Variants in SP2 observed in about 807,000 individuals in gnomAD.
SP2 encodes Sp2 transcription factor, also known as transcription factor Sp2.
A neutral mutation model predicts 50.1 loss-of-function variants in SP2; 9 were observed. That is an observed-to-expected ratio of 0.18 (90% CI 0.11 to 0.31). The LOEUF (loss-of-function observed/expected upper bound fraction) is 0.31. SP2 is among the 10% of genes least tolerant of loss of function. The pLI is 1.00. For missense variants in SP2, 581 were observed against 806.5 expected (o/e 0.72, Z 3.39); for synonymous variants, 313 against 326.6 (o/e 0.96, Z 0.45).
At chr17:47,920,432 G>A (rs1386702670) in intron 3 of SP2, among the ~76,000 whole-genome samples, 2 of 151,880 alleles carry the variant, frequency 1.3e-5, no homozygotes, top group Admixed American at 6.6e-5. Flanking sequence ...GACTACAGGC[G>A]AGCGCCACCA....
chr17:47,912,724 C>A (rs1289814089), intron 1 of SP2, among the ~76,000 whole-genome samples: 1 of 152,076 alleles, frequency 6.6e-6, no homozygotes, highest in Non-Finnish European at 1.5e-5. Context: ...GAATTATAGG[C>A]ACGAGTCACT....
chr17:47,919,427 T>A lies in SP2; in HGVS notation c.1059+2297T>A, dbSNP rs367592238. Among the ~76,000 whole-genome samples, 11 of 152,198 alleles carry A rather than the reference T, an allele frequency of 7.2e-5. No individual in the cohort carries two copies. The South Asian group carries it at 2.3e-3, about 32-fold the overall frequency. On this transcript the variant is annotated intron_variant, in intron 3 of 6. Transcript: ENST00000376741. ...TCTCTATTTAAAAAAAAAAAATTTT[T>A]TTTAAAGAGATGAGATGTTTGTTAG...
At chr17:47,911,671 T>C (rs2034991725) in intron 1 of SP2, among the ~76,000 whole-genome samples, 1 of 151,848 alleles carries the variant, frequency 6.6e-6, no homozygotes, top group South Asian at 2.1e-4. Context: ...CCGGGCGTGG[T>C]GGCGGGCATC....
chr17:47,906,890 C>T (rs779800958), intron 1 of SP2, among the ~76,000 whole-genome samples: 1 of 152,054 alleles, frequency 6.6e-6, no homozygotes, highest in African/African-American at 2.4e-5. Context: ...TATGTAAAGC[C>T]GTGCGAGTAG....
At chr17:47,914,082 C>A (rs865856788) in intron 1 of SP2, among the ~76,000 whole-genome samples, 5 of 152,202 alleles carry the variant, frequency 3.3e-5, no homozygotes, top group Non-Finnish European at 5.9e-5. Flanking sequence ...AAAGAATTGA[C>A]CCATGAGGCC....
At chr17:47,931,090 C>T (rs2035809212), downstream of SP2, among the ~76,000 whole-genome samples, 1 of 152,118 alleles carries the variant, frequency 6.6e-6, no homozygotes, top group Non-Finnish European at 1.5e-5. Flanking sequence ...GCCTGTAATC[C>T]CAGCACTTTG....
chr17:47,924,920 G>A lies in SP2; in HGVS notation c.1374G>A (p.Gly458=). 1 of 1,595,468 alleles carries A rather than the reference G, an allele frequency of 6.3e-7. No individual in the cohort carries two copies. The highest frequency in any genetic ancestry group is 8.6e-7 in the Non-Finnish European group (1 of 1,167,180). The change falls in exon 5 of 7, where the codon GGG becomes GGA. Residue 458 remains glycine, a splice_region_variant and synonymous_variant. Transcript: ENST00000376741. ...GVPVTITNTG[G]QQQLTVQNVS... ...CTCTGCCCCTCTTTGTCCCCACAGGGCAGCAGCAGCTGACAGTGCAGAATG... is the reference window on the plus strand; with the variant it reads ...CTCTGCCCCTCTTTGTCCCCACAGGACAGCAGCAGCTGACAGTGCAGAATG...
chr17:47,898,367 T>A (rs1477333666), intron 1 of SP2: 1 of 152,222 alleles, frequency 6.6e-6, no homozygotes, highest in Non-Finnish European at 1.5e-5. Context: ...TTCTGGTGGT[T>A]AATACCAGCT....
At chr17:47,904,838 T>C (rs1376066586) in intron 1 of SP2, among the ~76,000 whole-genome samples, 1 of 152,214 alleles carries the variant, frequency 6.6e-6, no homozygotes, top group African/African-American at 2.4e-5. Flanking sequence ...GGTGCAATCA[T>C]GGCTCACTGC....
intron 1 of SP2, chr17:47,898,007 A>G (rs2034406062): frequency 2.8e-6 from 1 of 360,258 alleles, no homozygotes; most frequent in African/African-American, 2.2e-5. Flanking sequence ...ACAAGAAAAA[A>G]AGCGAGTCTG....
At chr17:47,897,607 G>T (rs1224666761) in intron 1 of SP2, among the ~76,000 whole-genome samples, 1 of 152,206 alleles carries the variant, frequency 6.6e-6, no homozygotes, top group Non-Finnish European at 1.5e-5. Context: ...CACAGTGGAG[G>T]GCTGTATTGA....
At chr17:47,913,895 G>A (rs2035086230) in intron 1 of SP2, among the ~76,000 whole-genome samples, 1 of 152,166 alleles carries the variant, frequency 6.6e-6, no homozygotes, top group South Asian at 2.1e-4. Flanking sequence ...AATGGCTTAA[G>A]ACTTTTTCCT....
intron 6 of SP2, 24 bp downstream of exon 6, chr17:47,925,565 C>T: frequency 6.3e-7 from 1 of 1,596,838 alleles, no homozygotes; most frequent in Non-Finnish European, 8.6e-7. Context: ...CTTCGGGACC[C>T]TCCACCCACA....
At position 47,904,768 on chromosome 17, in the gene SP2, A is replaced by AT. The variant is rs147926478; in HGVS notation, c.7+8480dup. 9.3e-3 allele frequency among the ~76,000 whole-genome samples: 1,414 copies of AT among 152,202 alleles called. 19 individuals carry two copies. Among genetic ancestry groups the AT allele is most frequent in the African/African-American group, 0.03 (1,238 of 41,522 alleles). ...GTTTTAATTTATTTGTTTATTTAAAATTTTTATTATTATTTTTTAAAGACA... is the reference window on the plus strand; with the variant it reads ...GTTTTAATTTATTTGTTTATTTAAAATTTTTTATTATTATTTTTTAAAGACA... On this transcript the variant is annotated intron_variant, in intron 1 of 6. Coordinates refer to ENST00000376741, the MANE Select transcript of SP2 (RefSeq NM_003110.6).
intron 1 of SP2, among the ~76,000 whole-genome samples, chr17:47,906,994 C>A (rs1001439079): frequency 6.6e-6 from 1 of 152,044 alleles, no homozygotes; most frequent in Non-Finnish European, 1.5e-5. Flanking sequence ...GAGGAGCCCA[C>A]AAGGGGAAGA....
chr17:47,921,381 T>G (rs1170127262), intron 3 of SP2, among the ~76,000 whole-genome samples: 1 of 152,224 alleles, frequency 6.6e-6, no homozygotes, highest in Non-Finnish European at 1.5e-5. Flanking sequence ...CCCCAGTAGC[T>G]GGGATTACAG....
intron 1 of SP2, among the ~76,000 whole-genome samples, chr17:47,905,123 A>G (rs2034706998): frequency 6.6e-6 from 1 of 152,170 alleles, no homozygotes; most frequent in Admixed American, 6.5e-5. Flanking sequence ...AATATTCAGC[A>G]CAATTTGGAG....
chr17:47,928,205 C>T lies in SP2; in HGVS notation c.*381C>T, dbSNP rs567571624. The stretch of plus-strand genomic sequence containing the variant: ...CCCGCTCCCAACACTGCCGGAGTCG[C>T]GTCATGCCATGCCCCCTCTCCTGCA... On this transcript the variant is annotated 3_prime_UTR_variant, in exon 7 of 7. Coordinates refer to ENST00000376741, the MANE Select transcript of SP2 (RefSeq NM_003110.6). 1.1e-5 allele frequency: 2 copies of T among 181,440 alleles called. No individual in the cohort carries two copies. The highest frequency in any genetic ancestry group is 2.3e-4 in the South Asian group (2 of 8,748). The allele number at this position is 181,440 out of a possible 1,614,324, so 11.2% of individuals were successfully genotyped here.
At chr17:47,923,322 T>G in intron 4 of SP2, 48 bp downstream of exon 4, 6 of 1,466,334 alleles carry the variant, frequency 4.1e-6, no homozygotes, top group Non-Finnish European at 5.6e-6. Context: ...TACCTGCTCC[T>G]AGCAGGTGGA....
Sources: allele counts gnomAD v4.1 joint callset (sites outside exome capture counted in the v4.1 genomes callset), GRCh38; gene constraint gnomAD v4.1.1; transcripts MANE v1.5; gene names NCBI Gene and HGNC (gene_info 2026-07-23, HGNC 2026-07-21).